PTPRG: variants seen among roughly 807,000 people sequenced by gnomAD.
PTPRG encodes receptor-type tyrosine-protein phosphatase gamma.
PTPRG carries 102 observed loss-of-function variants against 165.3 expected under a neutral mutation model. The observed-to-expected ratio is 0.62, with a 90% CI of 0.53 to 0.73. PTPRG has a LOEUF of 0.73. Among genes scored for constraint, PTPRG ranks in the 30% least tolerant of loss-of-function variants. The pLI is 0.00. For synonymous variants in PTPRG, 675 were observed against 669.5 expected, an observed-to-expected ratio of 1.01 and a Z score of -0.13; for missense variants, 1,866 against 1,861.4, an observed-to-expected ratio of 1.00 and a Z score of -0.05.
At chr3:62,267,555 T>G (rs924683384) in intron 18 of PTPRG, 63 bp downstream of exon 18, 1 of 1,526,928 alleles carries the variant, frequency 6.5e-7, no homozygotes, top group Non-Finnish European at 9.0e-7. Flanking sequence ...AGAAACTGTT[T>G]AATATATTTT....
rs1324479089 is a variant in PTPRG, at chr3:62,267,758, T to C, written c.2813T>C (p.Met938Thr). 1 of 1,613,588 alleles carries C rather than the reference T, an allele frequency of 6.2e-7. No homozygotes were observed. Among genetic ancestry groups the C allele is most frequent in the South Asian group, 1.1e-5 (1 of 91,050 alleles). Reference sequence around the variant, plus strand: ...TCTACATTTGAAGATTTCTGGAGGATGATTTGGGAACAAAACACTGGAATC... The same window carrying C: ...TCTACATTTGAAGATTTCTGGAGGACGATTTGGGAACAAAACACTGGAATC... ...LKSTFEDFWR[M>T]IWEQNTGIIV... Residue 938 changes from methionine (M) to threonine (T), a missense_variant, in exon 19 of 30, where the codon ATG becomes ACG. Coordinates refer to ENST00000474889, the MANE Select transcript of PTPRG (RefSeq NM_002841.4).
chr3:62,204,517 AAACT>A (rs1185401360), intron 12 of PTPRG, among the ~76,000 whole-genome samples: 10 of 152,188 alleles, frequency 6.6e-5, no homozygotes, highest in Non-Finnish European at 1.2e-4. Flanking sequence ...GCAAGCTGGA[AAACT>A]AACTAACTGA....
At chr3:62,059,065 G>C (rs573370414) in intron 4 of PTPRG, among the ~76,000 whole-genome samples, 3 of 152,316 alleles carry the variant, frequency 2.0e-5, no homozygotes, top group African/African-American at 7.2e-5. Flanking sequence ...GGCACAGATT[G>C]TAGAGTCACT....
At chr3:61,979,510 A>G (rs1437670713) in intron 2 of PTPRG, among the ~76,000 whole-genome samples, 2 of 152,170 alleles carry the variant, frequency 1.3e-5, no homozygotes, top group African/African-American at 4.8e-5. Context: ...TAAGGTTGCT[A>G]TTTTAGATAG....
chr3:61,832,448 G>T (rs896348652), intron 2 of PTPRG, among the ~76,000 whole-genome samples: 2 of 152,120 alleles, frequency 1.3e-5, no homozygotes, highest in African/African-American at 4.8e-5. Flanking sequence ...AAGCATCTGG[G>T]GCAGGGTCAT....
rs114066848 is a variant in PTPRG, at chr3:61,899,285, G to C, written c.191-90340G>C. Among the ~76,000 whole-genome samples the C allele has an allele frequency of 4.7e-3, 710 of 152,250 alleles. 5 individuals carry two copies. The highest frequency in any genetic ancestry group is 0.016 in the African/African-American group (685 of 41,530). On this transcript the variant is annotated intron_variant, in intron 2 of 29. Transcript: ENST00000474889. ...ATGGTGTGTTAGTTACACATGGAAT[G>C]GGTGAATAATTCTGACAGGGAAGAA...
At chr3:61,811,487 CCA>C (rs1366127287) in intron 2 of PTPRG, among the ~76,000 whole-genome samples, 1 of 152,114 alleles carries the variant, frequency 6.6e-6, no homozygotes, top group Non-Finnish European at 1.5e-5. Context: ...TGCTCTTTGG[CCA>C]GAAAACCAAC....
rs141257855 is a variant in PTPRG at position 61,886,457 on chromosome 3, G to A, written c.191-103168G>A. ...TTTGGTTTGAGATCATGGGGAAATC[G>A]TTGCACTGATCAGTGACTAGGAGTC... On this transcript the variant is annotated intron_variant, in intron 2 of 29. Transcript: ENST00000474889. 2.6e-5 allele frequency among the ~76,000 whole-genome samples: 4 copies of A among 152,266 alleles called. No individual in the cohort carries two copies. In the East Asian group the frequency reaches 7.7e-4, roughly 29 times the overall value.
chr3:61,656,859 G>A (rs1017992454), intron 1 of PTPRG, among the ~76,000 whole-genome samples: 6 of 152,030 alleles, frequency 3.9e-5, no homozygotes, highest in East Asian at 1.9e-4. Flanking sequence ...GCCATATGCC[G>A]GGCCCCTTTG....
At chr3:62,114,587 G>A (rs11717334) in intron 5 of PTPRG, among the ~76,000 whole-genome samples, 1 of 152,128 alleles carries the variant, frequency 6.6e-6, no homozygotes, top group Non-Finnish European at 1.5e-5. Context: ...AACAGAGTCA[G>A]TAAGAAGCAG....
chr3:61,952,279 T>C (rs946675974), intron 2 of PTPRG, among the ~76,000 whole-genome samples: 1 of 152,256 alleles, frequency 6.6e-6, no homozygotes, highest in Middle Eastern at 3.4e-3. Flanking sequence ...ATTTTGAAGT[T>C]CTTGGGGGCA....
rs2039389600 is a variant in PTPRG, at chr3:61,932,644, G to A, written c.191-56981G>A. Among the ~76,000 whole-genome samples, 3 of 152,260 alleles carry A rather than the reference G, an allele frequency of 2.0e-5. No homozygotes were observed. In the South Asian group the frequency reaches 6.2e-4, roughly 32 times the overall value. Reference sequence around the variant, plus strand: ...ATTATATTCTCACTTCACAGCTGAGGGCATGGAAGCCCAGAGAGGTCATGA... The same window carrying A: ...ATTATATTCTCACTTCACAGCTGAGAGCATGGAAGCCCAGAGAGGTCATGA... On this transcript the variant is annotated intron_variant, in intron 2 of 29. Transcript: ENST00000474889.
At chr3:62,287,900 A>G (rs540469315) in intron 28 of PTPRG, among the ~76,000 whole-genome samples, 15 of 152,268 alleles carry the variant, frequency 9.9e-5, no homozygotes, top group Admixed American at 5.2e-4. Flanking sequence ...CAAAACAGAT[A>G]CCATACAAGG....
chr3:62,011,164 T>C (rs1476494536), intron 4 of PTPRG, among the ~76,000 whole-genome samples: 3 of 152,224 alleles, frequency 2.0e-5, no homozygotes, highest in Non-Finnish European at 4.4e-5. Flanking sequence ...GCCCTTAGAC[T>C]GAGCTGCTTC....
intron 2 of PTPRG, among the ~76,000 whole-genome samples, chr3:61,758,285 C>A (rs2033702537): frequency 6.6e-6 from 1 of 152,146 alleles, no homozygotes; most frequent in South Asian, 2.1e-4. Context: ...GGGTACCCAC[C>A]TAAAACCCAC....
intron 2 of PTPRG, chr3:61,769,942 G>A (rs1313289898): frequency 6.6e-6 from 1 of 152,148 alleles, no homozygotes; most frequent in Non-Finnish European, 1.5e-5. Flanking sequence ...CTCTGCTGTA[G>A]AACGTGCAAG....
intron 2 of PTPRG, among the ~76,000 whole-genome samples, chr3:61,903,842 T>C (rs2038567189): frequency 6.6e-6 from 1 of 152,246 alleles, no homozygotes. Flanking sequence ...TGGTGGTCTG[T>C]ACTTAATTAT....
intron 1 of PTPRG, among the ~76,000 whole-genome samples, chr3:61,598,595 A>G (rs372045850): frequency 2.6e-5 from 4 of 152,306 alleles, no homozygotes; most frequent in East Asian, 3.9e-4. Flanking sequence ...ATGTGATGCC[A>G]TTGAGTGGGG....
chr3:62,121,188 C>T (rs112939115), intron 5 of PTPRG, among the ~76,000 whole-genome samples: 2,522 of 151,434 alleles, frequency 0.017, 67 homozygotes, highest in African/African-American at 0.057. Flanking sequence ...CTCCTGACCT[C>T]GTGATCCACC....
Sources: gnomAD v4.1 joint callset for allele counts (sites outside exome capture counted in the v4.1 genomes callset) on GRCh38, gnomAD v4.1.1 for gene constraint, MANE v1.5 for transcripts, NCBI Gene and HGNC (gene_info 2026-07-23, HGNC 2026-07-21) for gene names.